The following PLA1A variants were observed in gnomAD, a reference collection of about 807,000 sequenced individuals.
PLA1A encodes the protein phosphatidylserine-specific phospholipase A1alpha.
Under a neutral mutation model 49.4 loss-of-function variants are expected in PLA1A, and 47 were observed. The observed-to-expected ratio is 0.95, with a 90% CI of 0.75 to 1.21. The LOEUF (loss-of-function observed/expected upper bound fraction) is 1.21, where lower values mean the gene tolerates loss of function less well. Ranked by LOEUF, PLA1A falls within the 50% of genes most tolerant of loss-of-function variation. PLA1A has a pLI of 0.00. For synonymous variants in PLA1A, 224 were observed against 207.9 expected (o/e 1.08, Z -0.67); for missense variants, 561 against 563.9 (o/e 0.99, Z 0.05).
intron 1 of PLA1A, among the ~76,000 whole-genome samples, 182 bp downstream of exon 1, chr3:119,598,168 T>A (rs2082567143): frequency 6.6e-6 from 1 of 152,098 alleles, no homozygotes; most frequent in South Asian, 2.1e-4. Context: ...GGTAAACAGG[T>A]CACAAAACCT....
chr3:119,601,495 C>T (rs2082618106), intron 1 of PLA1A, among the ~76,000 whole-genome samples: 1 of 152,218 alleles, frequency 6.6e-6, no homozygotes, highest in Non-Finnish European at 1.5e-5. Flanking sequence ...GCCAGTATTT[C>T]ATTCTGCACC....
At chr3:119,604,607 G>A (rs1292513333) in intron 1 of PLA1A, among the ~76,000 whole-genome samples, 1 of 152,188 alleles carries the variant, frequency 6.6e-6, no homozygotes, top group African/African-American at 2.4e-5. Flanking sequence ...CAGAGGCTGA[G>A]AAGGGGGAAG....
At chr3:119,602,570 CATT>C (rs572218588) in intron 1 of PLA1A, among the ~76,000 whole-genome samples, 21 of 152,078 alleles carry the variant, frequency 1.4e-4, no homozygotes, top group Non-Finnish European at 2.4e-4. Context: ...ACATCTAGCT[CATT>C]ATTCTTTTCA....
At chr3:119,617,021 G>GT (rs1268841415) in intron 6 of PLA1A, among the ~76,000 whole-genome samples, 4 of 152,224 alleles carry the variant, frequency 2.6e-5, no homozygotes, top group Non-Finnish European at 4.4e-5. Flanking sequence ...CTTGGCCTTG[G>GT]TTGCAGGTCT....
intron 8 of PLA1A, among the ~76,000 whole-genome samples, chr3:119,622,208 AAGG>A (rs1404186271): frequency 0.06 from 2,170 of 36,012 alleles, 87 homozygotes; most frequent in African/African-American, 0.19. Flanking sequence ...GAAGAAGAAG[AAGG>A]AGACAGAATC....
intron 9 of PLA1A, among the ~76,000 whole-genome samples, chr3:119,627,553 A>G (rs536364900): frequency 6.6e-6 from 1 of 152,322 alleles, no homozygotes; most frequent in African/African-American, 2.4e-5. Flanking sequence ...AAAGAACACA[A>G]AGAGGCCCTA....
At position 119,619,550 on chromosome 3, in the gene PLA1A, TC is replaced by T. The variant is rs752285178; in HGVS notation, c.923-12del. The T allele has an allele frequency of 6.2e-7, 1 of 1,603,274 alleles. No individual in the cohort carries two copies. The highest frequency in any genetic ancestry group is 8.5e-7 in the Non-Finnish European group (1 of 1,170,138). On this transcript the variant is annotated splice_polypyrimidine_tract_variant and intron_variant, in intron 7 of 10. Coordinates refer to ENST00000273371, the MANE Select transcript of PLA1A (RefSeq NM_015900.4). Reference sequence around the variant, plus strand: ...TTCTCAGGACTCTGCTGTCTTTGCTTCTTTATTTCCAGGACTGGTGGAACAA... The same window carrying T: ...TTCTCAGGACTCTGCTGTCTTTGCTTTTTATTTCCAGGACTGGTGGAACAA...
chr3:119,625,074 A>T, intron 8 of PLA1A, 50 bp from the exon 9 acceptor site: 1 of 1,217,750 alleles, frequency 8.2e-7, no homozygotes, highest in East Asian at 2.3e-5. Flanking sequence ...GTTTTTGCCC[A>T]TTGCACCTTC....
chr3:119,603,197 T>G (rs2082641450), intron 1 of PLA1A, among the ~76,000 whole-genome samples: 2 of 151,712 alleles, frequency 1.3e-5, no homozygotes, highest in African/African-American at 4.8e-5. Flanking sequence ...TCGTGACTGC[T>G]GTGTTGCAAA....
intron 2 of PLA1A, among the ~76,000 whole-genome samples, chr3:119,607,607 G>A (rs981131569): frequency 6.6e-6 from 1 of 152,232 alleles, no homozygotes; most frequent in African/African-American, 2.4e-5. Context: ...TAGACACAAA[G>A]GCTGTGCACA....
intron 1 of PLA1A, chr3:119,600,236 G>A (rs745987692): frequency 4.2e-5 from 25 of 596,846 alleles, no homozygotes; most frequent in Admixed American, 3.6e-4. Flanking sequence ...TCACTTTCCT[G>A]GCTGTGTACC....
At chr3:119,624,043 G>A (rs2082983332) in intron 8 of PLA1A, among the ~76,000 whole-genome samples, 1 of 152,126 alleles carries the variant, frequency 6.6e-6, no homozygotes, top group East Asian at 1.9e-4. Context: ...TAAACCTTTA[G>A]TTTATGTCTT....
chr3:119,612,289 G>A lies in PLA1A; in HGVS notation c.563-728G>A, dbSNP rs148959616. On this transcript the variant is annotated intron_variant, in intron 4 of 10. Coordinates refer to ENST00000273371, the MANE Select transcript of PLA1A (RefSeq NM_015900.4). ...CTGCTTTTTGTAGGGGGAAGGGAAG[G>A]GATCCAAACTGAGAGATGGGAATAG... Among the ~76,000 whole-genome samples the A allele has an allele frequency of 7.2e-3, 1,089 of 152,240 alleles. 14 individuals are homozygous for A. The highest frequency in any genetic ancestry group is 0.024 in the African/African-American group (1,013 of 41,538).
chr3:119,597,984 C>G lies in PLA1A; in HGVS notation c.71C>G (p.Ser24Ter). The part of the protein sequence containing the change: ...GLILWLSVGS[S>*]GDAPPTPQPK... ...ATTTTGTGGCTCAGCGTTGGAAGTT[C>G]AGGTAAGCCAGGGCTCAGGCCTTGG... is the stretch of plus-strand genomic sequence containing the variant. The change falls in exon 1 of 11, where the codon TCA becomes TGA. Residue 24 changes from serine to a stop codon, truncating the protein, a stop_gained and splice_region_variant. Transcript: ENST00000273371. LOFTEE classifies it high-confidence loss of function. 6.3e-7 allele frequency: 1 copy of G among 1,596,682 alleles called. No individual in the cohort carries two copies. The highest frequency in any genetic ancestry group is 8.6e-7 in the Non-Finnish European group (1 of 1,167,700).
chr3:119,606,523 T>A (rs986397186), intron 1 of PLA1A, among the ~76,000 whole-genome samples: 3 of 152,240 alleles, frequency 2.0e-5, no homozygotes, highest in Non-Finnish European at 4.4e-5. Context: ...CACCATGGCC[T>A]TTAATCTCAT....
intron 8 of PLA1A, among the ~76,000 whole-genome samples, chr3:119,622,318 G>T (rs1308966166): frequency 6.6e-6 from 1 of 151,914 alleles, no homozygotes; most frequent in East Asian, 2.0e-4. Context: ...AATTCCTAAA[G>T]CTTCTGTAAG....
At chr3:119,626,123 C>A (rs1189814017) in intron 9 of PLA1A, among the ~76,000 whole-genome samples, 1 of 152,134 alleles carries the variant, frequency 6.6e-6, no homozygotes, top group Non-Finnish European at 1.5e-5. Context: ...GCCAATACAA[C>A]CCTAGGCTAG....
At chr3:119,605,347 T>C (rs2082672455) in intron 1 of PLA1A, among the ~76,000 whole-genome samples, 1 of 152,212 alleles carries the variant, frequency 6.6e-6, no homozygotes, top group Non-Finnish European at 1.5e-5. Flanking sequence ...ACCACAGCGA[T>C]GCTCCAGAAG....
At chr3:119,599,961 G>C (rs1301947742) in intron 1 of PLA1A, among the ~76,000 whole-genome samples, 1 of 151,782 alleles carries the variant, frequency 6.6e-6, no homozygotes, top group Non-Finnish European at 1.5e-5. Context: ...GGCAGAGATA[G>C]AAGTGTGTGT....
Sources: allele counts gnomAD v4.1 joint callset (sites outside exome capture counted in the v4.1 genomes callset), GRCh38; gene constraint gnomAD v4.1.1; transcripts MANE v1.5; gene names NCBI Gene and HGNC (gene_info 2026-07-23, HGNC 2026-07-21).